The following TIMD4 variants were observed in gnomAD, a reference collection of about 807,000 sequenced individuals.
TIMD4 encodes the protein T cell immunoglobulin and mucin domain containing 4.
TIMD4 carries 31 observed loss-of-function variants against 41.2 expected under a neutral mutation model. The observed-to-expected ratio is 0.75, with a 90% CI of 0.57 to 1.01. TIMD4 has a LOEUF of 1.01. Among genes scored for constraint, TIMD4 ranks in the 50% least tolerant of loss-of-function variants. The probability of loss-of-function intolerance (pLI) is 0.00; values close to 1 mark genes in which losing one functional copy is unlikely to be tolerated. For synonymous variants in TIMD4, 204 were observed against 177.1 expected (o/e 1.15, Z -1.21); for missense variants, 479 against 472.5 (o/e 1.01, Z -0.13).
At chr5:156,938,999 C>T (rs977714984) in intron 5 of TIMD4, among the ~76,000 whole-genome samples, 3 of 152,160 alleles carry the variant, frequency 2.0e-5, no homozygotes, top group Non-Finnish European at 2.9e-5. Flanking sequence ...CCTTAGTTGG[C>T]TTTTCTTCCT....
rs769490222 is a variant in TIMD4, at chr5:156,951,542, G to T, written c.649C>A (p.Pro217Thr). 6.2e-7 allele frequency: 1 copy of T among 1,614,174 alleles called. No homozygotes were observed. Among genetic ancestry groups the T allele is most frequent in the Non-Finnish European group, 8.5e-7 (1 of 1,180,028 alleles). Residue 217 changes from proline (P) to threonine (T), a missense_variant, in exon 3 of 9, where the codon CCT becomes ACT. Pro to Thr is a conservative substitution (Grantham distance 38). Coordinates refer to ENST00000274532, the MANE Select transcript of TIMD4 (RefSeq NM_138379.3). The stretch of plus-strand genomic sequence containing the variant: ...GTGAGGATGGGCCCTTCCTTAGAAG[G>T]CTCGGGAGTCAGAAGACCTGTGGCT... ...EEATGLLTPEPSKEGPILTAE... is the reference protein window; with the variant it reads ...EEATGLLTPETSKEGPILTAE...
At chr5:156,956,415 G>A (rs1759971162) in intron 1 of TIMD4, among the ~76,000 whole-genome samples, 1 of 152,182 alleles carries the variant, frequency 6.6e-6, no homozygotes, top group Admixed American at 6.5e-5. Flanking sequence ...TGAAGCATGA[G>A]TGTGTTTTAA....
At chr5:156,950,873 A>G (rs1348306302) in intron 3 of TIMD4, among the ~76,000 whole-genome samples, 2 of 152,138 alleles carry the variant, frequency 1.3e-5, no homozygotes, top group Non-Finnish European at 2.9e-5. Context: ...TTCAATAAAC[A>G]TCTCTTGCAA....
At chr5:156,953,154 G>C (rs993015846) in intron 2 of TIMD4, among the ~76,000 whole-genome samples, 1 of 152,118 alleles carries the variant, frequency 6.6e-6, no homozygotes, top group Non-Finnish European at 1.5e-5. Flanking sequence ...ATAATAGCTG[G>C]TTATACCCAA....
chr5:156,927,900 A>G (rs1358986490), intron 5 of TIMD4, among the ~76,000 whole-genome samples: 2 of 152,120 alleles, frequency 1.3e-5, no homozygotes, highest in African/African-American at 4.8e-5. Flanking sequence ...TTCCCCTAAC[A>G]AGCAGTTGAT....
At chr5:156,940,917 T>G (rs1450215366) in intron 5 of TIMD4, among the ~76,000 whole-genome samples, 15 of 152,262 alleles carry the variant, frequency 9.9e-5, no homozygotes, top group Non-Finnish European at 2.2e-4. Flanking sequence ...AGATTGTTAC[T>G]GTGTCTGTGT....
intron 6 of TIMD4, among the ~76,000 whole-genome samples, chr5:156,922,940 G>A (rs946504455): frequency 7.2e-5 from 11 of 151,996 alleles, no homozygotes; most frequent in Admixed American, 6.5e-5. Flanking sequence ...TGTTATGTTA[G>A]CACAAAGTGA....
At chr5:156,944,495 CTTTTTTTTT>C (rs5872492) in intron 5 of TIMD4, among the ~76,000 whole-genome samples, 1 of 69,096 alleles carries the variant, frequency 1.4e-5, no homozygotes, top group African/African-American at 6.0e-5. Flanking sequence ...GCTGTGTGAT[CTTTTTTTTT>C]TTTTTTTTTT....
At chr5:156,941,932 C>A (rs1461997771) in intron 5 of TIMD4, among the ~76,000 whole-genome samples, 7 of 152,160 alleles carry the variant, frequency 4.6e-5, no homozygotes, top group Non-Finnish European at 2.9e-5. Context: ...TTGTTTTGGA[C>A]CTTGAAGCTT....
At chr5:156,924,349 G>A in intron 6 of TIMD4, 1 of 350,668 alleles carries the variant, frequency 2.9e-6, no homozygotes, top group Admixed American at 3.8e-5. Context: ...AAAAGTTGGT[G>A]TCAGGAAAGG....
At chr5:156,929,566 C>T (rs569679700) in intron 5 of TIMD4, among the ~76,000 whole-genome samples, 8 of 152,016 alleles carry the variant, frequency 5.3e-5, no homozygotes, top group Non-Finnish European at 7.4e-5. Context: ...CATGTGAAGA[C>T]GAGAGAGATG....
At chr5:156,962,230 C>A (rs1176931348) in intron 1 of TIMD4, among the ~76,000 whole-genome samples, 3 of 152,132 alleles carry the variant, frequency 2.0e-5, no homozygotes, top group Non-Finnish European at 2.9e-5. Context: ...TTAATAATTT[C>A]TTGTGTATTT....
At chr5:156,929,498 A>G (rs1022574971) in intron 5 of TIMD4, among the ~76,000 whole-genome samples, 1 of 152,216 alleles carries the variant, frequency 6.6e-6, no homozygotes, top group African/African-American at 2.4e-5. Context: ...TAGGCCCTAA[A>G]TCCAATGATT....
At chr5:156,958,705 A>G (rs1035971024) in intron 1 of TIMD4, among the ~76,000 whole-genome samples, 5 of 152,210 alleles carry the variant, frequency 3.3e-5, no homozygotes, top group Admixed American at 1.3e-4. Flanking sequence ...CACGTTTGTT[A>G]TCCACCCTAG....
chr5:156,922,972 AATTG>A (rs1759276350), intron 6 of TIMD4, among the ~76,000 whole-genome samples: 1 of 152,168 alleles, frequency 6.6e-6, no homozygotes, highest in South Asian at 2.1e-4. Flanking sequence ...TTTTTAAATA[AATTG>A]ATTTTTTTAA....
chr5:156,951,413 C>T (rs929115770), intron 3 of TIMD4, 99 bp downstream of exon 3: 30 of 1,399,496 alleles, frequency 2.1e-5, no homozygotes, highest in South Asian at 2.6e-5. Context: ...CATGTGTACA[C>T]GCACACACTC....
Position 156,926,295 on chromosome 5 carries a change from G to A in TIMD4, c.862C>T (p.Pro288Ser). 6.2e-7 allele frequency: 1 copy of A among 1,613,596 alleles called. No individual in the cohort carries two copies. Among genetic ancestry groups the A allele is most frequent in the Non-Finnish European group, 8.5e-7 (1 of 1,179,706 alleles). Residue 288 changes from proline (P) to serine (S), a missense_variant, in exon 6 of 9, where the codon CCT becomes TCT. Physicochemically the swap from Pro to Ser is moderately conservative, Grantham distance 74. Transcript: ENST00000274532. The stretch of plus-strand genomic sequence containing the variant: ...GTTTTTGTTGTTTTGTTCTGCTCAG[G>A]AACTGCTGTATCAGATGCTGGGAAG... ...PQPGASDTAV[P>S]EQNKTTKTGQ...
intron 1 of TIMD4, among the ~76,000 whole-genome samples, 164 bp downstream of exon 1, chr5:156,962,977 C>T (rs1753100611): frequency 6.6e-6 from 1 of 152,182 alleles, no homozygotes; most frequent in Non-Finnish European, 1.5e-5. Flanking sequence ...TGTAACAAGG[C>T]AGGACAGAGA....
chr5:156,943,582 G>A (rs1249999098), intron 5 of TIMD4, among the ~76,000 whole-genome samples: 2 of 152,168 alleles, frequency 1.3e-5, no homozygotes, highest in African/African-American at 4.8e-5. Context: ...CAGTGAACAT[G>A]AGCCTGAGAT....
Sources: allele counts gnomAD v4.1 joint callset (sites outside exome capture counted in the v4.1 genomes callset), GRCh38; gene constraint gnomAD v4.1.1; transcripts MANE v1.5; gene names NCBI Gene and HGNC (gene_info 2026-07-23, HGNC 2026-07-21).